Variants in PHF14 observed in about 807,000 individuals in gnomAD.
PHF14 encodes PHD finger protein 14.
A neutral mutation model predicts 117.9 loss-of-function variants in PHF14; 55 were observed. The observed-to-expected ratio is 0.47, with a 90% CI of 0.38 to 0.58. The LOEUF (loss-of-function observed/expected upper bound fraction) is 0.58, where lower values mean the gene tolerates loss of function less well. PHF14 is among the 20% of genes least tolerant of loss of function. The pLI, the probability that PHF14 is intolerant of heterozygous loss-of-function variation, is 0.00. For synonymous variants in PHF14, 409 were observed against 368.6 expected, an observed-to-expected ratio of 1.11 and a Z score of -1.26; for missense variants, 978 against 1,122.2, an observed-to-expected ratio of 0.87 and a Z score of 1.84.
intron 14 of PHF14, among the ~76,000 whole-genome samples, chr7:11,060,144 T>G (rs1477941961): frequency 6.6e-6 from 1 of 152,190 alleles, no homozygotes; most frequent in Admixed American, 6.5e-5. Context: ...CTCAAAGTGT[T>G]GAGATTATGG....
intron 6 of PHF14, among the ~76,000 whole-genome samples, chr7:11,024,089 G>GA (rs1200054808): frequency 1.3e-5 from 2 of 152,168 alleles, no homozygotes; most frequent in African/African-American, 4.8e-5. Context: ...ATAAGAAAGT[G>GA]AAGCTGCCTT....
At chr7:11,004,826 A>G (rs1466459113) in intron 4 of PHF14, among the ~76,000 whole-genome samples, 1 of 151,950 alleles carries the variant, frequency 6.6e-6, no homozygotes, top group African/African-American at 2.4e-5. Flanking sequence ...ACTTGAAGTC[A>G]GGAGTTCGAG....
chr7:10,985,376 C>A (rs1328361727), intron 3 of PHF14, among the ~76,000 whole-genome samples: 1 of 151,908 alleles, frequency 6.6e-6, no homozygotes, highest in Non-Finnish European at 1.5e-5. Flanking sequence ...GAAAATGTAG[C>A]TTTAGAAATA....
At chr7:11,016,424 T>G (rs1248279946) in intron 5 of PHF14, among the ~76,000 whole-genome samples, 1 of 152,092 alleles carries the variant, frequency 6.6e-6, no homozygotes, top group African/African-American at 2.4e-5. Context: ...ACTTTTTTCC[T>G]TCTATTCTTG....
intron 16 of PHF14, chr7:11,103,278 T>G: frequency 1.2e-6 from 1 of 853,760 alleles, no homozygotes; most frequent in Non-Finnish European, 1.4e-6. Flanking sequence ...TTTTTAGTAA[T>G]ACCCAAATAT....
At chr7:11,137,863 A>G (rs1788271093) in intron 17 of PHF14, among the ~76,000 whole-genome samples, 1 of 152,026 alleles carries the variant, frequency 6.6e-6, no homozygotes, top group Non-Finnish European at 1.5e-5. Context: ...TTGGGATTAC[A>G]GGCATGAGCC....
chr7:10,975,922 C>T (rs1178255379), intron 2 of PHF14, among the ~76,000 whole-genome samples: 1 of 152,088 alleles, frequency 6.6e-6, no homozygotes, highest in Non-Finnish European at 1.5e-5. Context: ...AATTATATTA[C>T]TGTTGCTACT....
At chr7:11,022,768 C>T (rs1374215701) in intron 5 of PHF14, 100 bp from the exon 6 acceptor site, 95 of 543,034 alleles carry the variant, frequency 1.7e-4, no homozygotes, top group South Asian at 1.0e-4. Flanking sequence ...ACAGAATTCT[C>T]TTGGTAGTAT....
intron 16 of PHF14, among the ~76,000 whole-genome samples, chr7:11,095,775 G>A (rs1256312428): frequency 6.6e-6 from 1 of 152,082 alleles, no homozygotes; most frequent in Non-Finnish European, 1.5e-5. Flanking sequence ...CCTGCATGAT[G>A]TAAGTATCAA....
chr7:11,131,806 A>T (rs1788098169), intron 17 of PHF14, among the ~76,000 whole-genome samples: 1 of 151,820 alleles, frequency 6.6e-6, no homozygotes, highest in African/African-American at 2.4e-5. Context: ...GAAAGGTGTT[A>T]GACCTGTGCC....
chr7:11,161,665 ACT>A (rs1491540763), intron 17 of PHF14, among the ~76,000 whole-genome samples: 1 of 97,694 alleles, frequency 1.0e-5, no homozygotes, highest in East Asian at 2.7e-4. Flanking sequence ...GCAGGTAAAA[ACT>A]CTAAATAAAA....
In PHF14 at chr7:10,990,739, T is replaced by C; in HGVS notation, c.937T>C (p.Ser313Pro). The C allele has an allele frequency of 1.9e-6, 3 of 1,562,892 alleles. No individual in the cohort carries two copies. Among genetic ancestry groups the C allele is most frequent in the Non-Finnish European group, 2.6e-6 (3 of 1,149,822 alleles). Residue 313 changes from serine (S) to proline (P), a missense_variant, in exon 4 of 18, where the codon TCT (serine) becomes CCT (proline). Around this residue, in one of 7 missense-constraint regions of PHF14, gnomAD observed 414 missense variants for 376.4 expected, o/e 1.10. Coordinates refer to ENST00000634607, the MANE Select transcript of PHF14 (RefSeq NM_001007157.2). ...TCTTGAGAAGAGTCAAAACTGGAGC[T>C]CTCAAAAAATGGACCATATTCTGAT... is the stretch of plus-strand genomic sequence containing the variant. Reference protein sequence around the residue: ...LILEKSQNWSSQKMDHILICC... With the variant: ...LILEKSQNWSPQKMDHILICC...
At chr7:11,064,341 T>A (rs773501389) in intron 16 of PHF14, among the ~76,000 whole-genome samples, 6 of 151,970 alleles carry the variant, frequency 3.9e-5, no homozygotes, top group Non-Finnish European at 8.8e-5. Flanking sequence ...TTACATTGCA[T>A]CTTAAATACT....
At chr7:10,999,676 C>T (rs966085684) in intron 4 of PHF14, among the ~76,000 whole-genome samples, 7 of 152,174 alleles carry the variant, frequency 4.6e-5, no homozygotes, top group African/African-American at 1.2e-4. Context: ...GTTCATAATA[C>T]GACCCCTGCT....
intron 4 of PHF14, among the ~76,000 whole-genome samples, chr7:11,012,700 G>T (rs190657594): frequency 2.4e-4 from 37 of 152,298 alleles, no homozygotes; most frequent in African/African-American, 8.7e-4. Flanking sequence ...TACATTAGCT[G>T]CCTAAATAAT....
intron 17 of PHF14, among the ~76,000 whole-genome samples, chr7:11,135,172 G>A (rs1788185005): frequency 6.6e-6 from 1 of 152,100 alleles, no homozygotes; most frequent in Non-Finnish European, 1.5e-5. Flanking sequence ...AGGTAACTGT[G>A]TAAACTTGGG....
intron 17 of PHF14, among the ~76,000 whole-genome samples, chr7:11,158,206 T>A (rs1381624614): frequency 6.6e-6 from 1 of 152,164 alleles, no homozygotes; most frequent in Admixed American, 6.5e-5. Context: ...TTTGTCATTA[T>A]GTCTCCTCAA....
At chr7:10,974,812 A>G (rs777185410) in intron 1 of PHF14, 23 bp from the exon 2 acceptor site, 58 of 1,193,158 alleles carry the variant, frequency 4.9e-5, no homozygotes, top group Non-Finnish European at 6.7e-5. Flanking sequence ...ATGAATGACA[A>G]TGTAATTTTT....
intron 14 of PHF14, among the ~76,000 whole-genome samples, chr7:11,059,696 C>G (rs1472412524): frequency 1.3e-5 from 2 of 151,982 alleles, no homozygotes; most frequent in East Asian, 3.9e-4. Flanking sequence ...ATCGCTTGAA[C>G]CTGGGAGGCG....
Sources: allele counts gnomAD v4.1 joint callset (sites outside exome capture counted in the v4.1 genomes callset), GRCh38; gene constraint gnomAD v4.1.1; regional missense constraint gnomAD v4.1.1; transcripts MANE v1.5; gene names NCBI Gene and HGNC (gene_info 2026-07-23, HGNC 2026-07-21).